The following ULK4 variants were observed in gnomAD, a reference collection of about 807,000 sequenced individuals.
ULK4 encodes the protein unc-51 like kinase 4, also known as inactive serine/threonine-protein kinase ULK4.
In ULK4, 133 loss-of-function variants were observed where a neutral mutation model predicts 160.6. The ratio of observed to expected loss-of-function variants is 0.83; its 90% confidence interval spans 0.72 to 0.96. The LOEUF is 0.96. ULK4 is among the 40% of genes least tolerant of loss of function. The pLI, the probability that ULK4 is intolerant of heterozygous loss-of-function variation, is 0.00. For missense variants in ULK4, 1,580 were observed against 1,499.5 expected (o/e 1.05, Z -0.89); for synonymous variants, 534 against 539.8 (o/e 0.99, Z 0.15).
chr3:41,672,362 T>C (rs2035571870), intron 29 of ULK4, among the ~76,000 whole-genome samples: 1 of 152,192 alleles, frequency 6.6e-6, no homozygotes, highest in South Asian at 2.1e-4. Context: ...GGAATACTAT[T>C]CAACCACAAA....
intron 34 of ULK4, among the ~76,000 whole-genome samples, chr3:41,432,436 C>T (rs1050536176): frequency 3.9e-5 from 6 of 152,116 alleles, no homozygotes; most frequent in African/African-American, 1.4e-4. Flanking sequence ...TCTGGAGGAT[C>T]ACATAATGTA....
chr3:41,716,870 T>C (rs1406438891), intron 23 of ULK4, among the ~76,000 whole-genome samples: 1 of 152,206 alleles, frequency 6.6e-6, no homozygotes, highest in Non-Finnish European at 1.5e-5. Flanking sequence ...GATAAATTTT[T>C]CAAACCAAAG....
intron 5 of ULK4, among the ~76,000 whole-genome samples, chr3:41,922,223 C>T (rs1032410216): frequency 6.6e-6 from 1 of 152,146 alleles, no homozygotes; most frequent in South Asian, 2.1e-4. Flanking sequence ...TGTGGTGGCA[C>T]AAGCCTGTAC....
intron 35 of ULK4, among the ~76,000 whole-genome samples, chr3:41,305,291 G>A (rs1256565385): frequency 6.6e-6 from 1 of 151,180 alleles, no homozygotes; most frequent in Non-Finnish European, 1.5e-5. Flanking sequence ...GCCGAAGCTG[G>A]ACTGTACTGC....
At chr3:41,409,374 AATAG>A (rs1273183907) in intron 34 of ULK4, among the ~76,000 whole-genome samples, 1 of 152,226 alleles carries the variant, frequency 6.6e-6, no homozygotes, top group Non-Finnish European at 1.5e-5. Context: ...CAAAAGAAAA[AATAG>A]ATAAACTAGA....
chr3:41,792,804 G>T (rs2040189683), intron 20 of ULK4, among the ~76,000 whole-genome samples: 1 of 152,194 alleles, frequency 6.6e-6, no homozygotes, highest in African/African-American at 2.4e-5. Flanking sequence ...ACTAGTACTT[G>T]TATTTTCTGA....
intron 25 of ULK4, among the ~76,000 whole-genome samples, chr3:41,707,520 G>C (rs946654533): frequency 1.3e-5 from 2 of 152,116 alleles, no homozygotes; most frequent in Non-Finnish European, 2.9e-5. Flanking sequence ...ATAGTAAGAA[G>C]GCAAATAACC....
intron 35 of ULK4, among the ~76,000 whole-genome samples, chr3:41,300,840 T>C (rs201903911): frequency 7.7e-3 from 170 of 22,170 alleles, no homozygotes; most frequent in African/African-American, 0.024. Context: ...TTACAGATTA[T>C]ATATATATAT....
intron 29 of ULK4, among the ~76,000 whole-genome samples, chr3:41,680,866 T>C (rs2035900467): frequency 6.6e-6 from 1 of 152,204 alleles, no homozygotes; most frequent in African/African-American, 2.4e-5. Flanking sequence ...ATATGGCATA[T>C]ACTTTTTGAA....
In ULK4 at chr3:41,375,731, A is replaced by G. The variant is rs147739930; in HGVS notation, c.3678+22348T>C. ...GGACACAGGCATGGGCAAAGACTTC[A>G]TGACTAAAATATGAAAAGCAATGGC... On this transcript the variant is annotated intron_variant, in intron 35 of 36. Transcript: ENST00000301831. Among the ~76,000 whole-genome samples, 74 of 150,564 alleles carry G rather than the reference A, an allele frequency of 4.9e-4. 5 individuals carry two copies. Among genetic ancestry groups the G allele is most frequent in the African/African-American group, 1.8e-3 (72 of 40,486 alleles).
rs550289742 is a variant in ULK4, at chr3:41,564,425, A to C, written c.3226+1600T>G. On this transcript the variant is annotated intron_variant, in intron 32 of 36. Coordinates refer to ENST00000301831, the MANE Select transcript of ULK4 (RefSeq NM_017886.4). ...CCACTGCTCTCTTCACAGCTGTCAG[A>C]CAGGGACGTTTCTTCTTCTTCTTCT... 2.0e-5 allele frequency among the ~76,000 whole-genome samples: 3 copies of C among 147,926 alleles called. No individual in the cohort carries two copies. The East Asian group carries it at 6.1e-4, about 30-fold the overall frequency.
intron 35 of ULK4, among the ~76,000 whole-genome samples, chr3:41,352,155 A>G (rs2080923851): frequency 6.6e-6 from 1 of 152,206 alleles, no homozygotes; most frequent in South Asian, 2.1e-4. Context: ...CTATCTGGCC[A>G]TGGCCTCATA....
At chr3:41,605,456 T>C (rs1379165572) in intron 31 of ULK4, among the ~76,000 whole-genome samples, 2 of 151,936 alleles carry the variant, frequency 1.3e-5, no homozygotes, top group Non-Finnish European at 1.5e-5. Flanking sequence ...AGTGGTGATA[T>C]TAATATCACA....
chr3:41,418,849 C>T (rs2082592948), intron 34 of ULK4, among the ~76,000 whole-genome samples: 1 of 152,188 alleles, frequency 6.6e-6, no homozygotes, highest in African/African-American at 2.4e-5. Context: ...GGAGCTCTCA[C>T]TCTAGAGGGG....
At chr3:41,294,011 G>A (rs571023713) in intron 35 of ULK4, among the ~76,000 whole-genome samples, 38 of 152,340 alleles carry the variant, frequency 2.5e-4, no homozygotes, top group African/African-American at 8.7e-4. Flanking sequence ...CAGCCCGGAG[G>A]GTTGATGTCA....
intron 4 of ULK4, among the ~76,000 whole-genome samples, chr3:41,933,960 C>T (rs993599187): frequency 6.6e-6 from 1 of 152,078 alleles, no homozygotes; most frequent in Non-Finnish European, 1.5e-5. Context: ...ATCGCTTGAA[C>T]CTGGCATGCT....
At chr3:41,257,864 T>C (rs983713260) in intron 35 of ULK4, among the ~76,000 whole-genome samples, 4 of 152,206 alleles carry the variant, frequency 2.6e-5, no homozygotes, top group Non-Finnish European at 4.4e-5. Context: ...ATCAGACTTA[T>C]AGAGTCTGAT....
At chr3:41,396,875 G>T (rs942735877) in intron 35 of ULK4, among the ~76,000 whole-genome samples, 2 of 152,062 alleles carry the variant, frequency 1.3e-5, no homozygotes, top group Non-Finnish European at 2.9e-5. Context: ...GGGTTGGGGG[G>T]GAGTCACACC....
At chr3:41,814,096 G>A (rs1241610572) in intron 19 of ULK4, among the ~76,000 whole-genome samples, 1 of 152,204 alleles carries the variant, frequency 6.6e-6, no homozygotes, top group Non-Finnish European at 1.5e-5. Context: ...TGTGCTGGCT[G>A]TCCTCCTGTG....
Sources: gnomAD v4.1 joint callset for allele counts (sites outside exome capture counted in the v4.1 genomes callset) on GRCh38, gnomAD v4.1.1 for gene constraint, MANE v1.5 for transcripts, NCBI Gene and HGNC (gene_info 2026-07-23, HGNC 2026-07-21) for gene names.